The following KAZN variants were observed in gnomAD, a reference collection of about 807,000 sequenced individuals.
KAZN encodes kazrin.
Under a neutral mutation model 87.4 loss-of-function variants are expected in KAZN, and 40 were observed. The ratio of observed to expected loss-of-function variants is 0.46; its 90% CI spans 0.36 to 0.60. The LOEUF (loss-of-function observed/expected upper bound fraction) is 0.60. Among genes scored for constraint, KAZN ranks in the 20% least tolerant of loss-of-function variants. The probability of loss-of-function intolerance (pLI) is 0.00; values close to 1 mark genes in which losing one functional copy is unlikely to be tolerated. For synonymous variants in KAZN, 466 were observed against 458.3 expected (o/e 1.02, Z -0.22); for missense variants, 898 against 1,073.9 (o/e 0.84, Z 2.29).
intron 1 of KAZN, among the ~76,000 whole-genome samples, chr1:14,657,543 T>G (rs750972917): frequency 1.5e-4 from 23 of 152,190 alleles, no homozygotes; most frequent in Non-Finnish European, 2.8e-4. Context: ...CTACCCCACT[T>G]GGGCTGTGTG....
At chr1:15,045,199 C>T (rs1673349720) in intron 4 of KAZN, among the ~76,000 whole-genome samples, 1 of 152,142 alleles carries the variant, frequency 6.6e-6, no homozygotes, top group Non-Finnish European at 1.5e-5. Context: ...TGGGCAGATC[C>T]AGGGAGCTTG....
chr1:13,961,555 C>G (rs1261547439), intron 1 of KAZN, among the ~76,000 whole-genome samples: 1 of 152,178 alleles, frequency 6.6e-6, no homozygotes, highest in African/African-American at 2.4e-5. Flanking sequence ...TTCTCTCTGT[C>G]TCTTTCTCCA....
At chr1:13,903,737 G>A (rs1463080660) in intron 1 of KAZN, among the ~76,000 whole-genome samples, 1 of 152,220 alleles carries the variant, frequency 6.6e-6, no homozygotes, top group Non-Finnish European at 1.5e-5. Context: ...CCAGGCTAGG[G>A]AATTAGAGGA....
At chr1:14,284,789 C>G (rs531794323) in intron 2 of KAZN, among the ~76,000 whole-genome samples, 3 of 152,252 alleles carry the variant, frequency 2.0e-5, no homozygotes, top group South Asian at 2.1e-4. Context: ...GAAGTAAGTA[C>G]GTCAGCAATT....
At chr1:14,713,775 C>CAAA (rs58947119) in intron 1 of KAZN, among the ~76,000 whole-genome samples, 238 of 94,286 alleles carry the variant, frequency 2.5e-3, no homozygotes, top group Non-Finnish European at 3.0e-3. Context: ...CTCATCTCTA[C>CAAA]AAAAAAAAAA....
chr1:14,312,876 C>G (rs1171589819), intron 2 of KAZN, among the ~76,000 whole-genome samples: 1 of 152,030 alleles, frequency 6.6e-6, no homozygotes, highest in Non-Finnish European at 1.5e-5. Flanking sequence ...TATATCCTTC[C>G]CCAGGTGAGC....
chr1:14,271,015 G>A (rs1003357791), intron 2 of KAZN, among the ~76,000 whole-genome samples: 1 of 152,124 alleles, frequency 6.6e-6, no homozygotes, highest in Non-Finnish European at 1.5e-5. Flanking sequence ...ACCACCAGAT[G>A]GGAAGCTTCA....
At chr1:14,221,221 T>C (rs532560036) in intron 2 of KAZN, among the ~76,000 whole-genome samples, 1 of 152,330 alleles carries the variant, frequency 6.6e-6, no homozygotes, top group Non-Finnish European at 1.5e-5. Flanking sequence ...TTCAATATGT[T>C]TTAGACTCAG....
rs866060202 is a variant in KAZN, at chr1:14,468,035, G to A, written c.250-130948G>A. Among the ~76,000 whole-genome samples, 6 of 152,242 alleles carry A rather than the reference G, an allele frequency of 3.9e-5. 1 individual carries two copies. In the Middle Eastern group the frequency reaches 0.01, roughly 259 times the overall value. ...ACCAATATGGTCTGAGAGGAAATGA[G>A]GTGTGTTCCTACAATGAAGGCCAAG... is the stretch of plus-strand genomic sequence containing the variant. On this transcript the variant is annotated intron_variant, in intron 2 of 16. Coordinates refer to the KAZN transcript ENST00000636203.
intron 1 of KAZN, among the ~76,000 whole-genome samples, chr1:14,664,278 C>A (rs964568672): frequency 5.3e-5 from 8 of 152,132 alleles, no homozygotes; most frequent in African/African-American, 1.9e-4. Context: ...ACTAAAACTA[C>A]AAAAATTAGC....
At chr1:14,194,750 C>T (rs866812860) in intron 2 of KAZN, among the ~76,000 whole-genome samples, 4 of 152,170 alleles carry the variant, frequency 2.6e-5, no homozygotes, top group South Asian at 2.1e-4. Context: ...CTTGAGGGAA[C>T]GTAGCCAGCC....
chr1:13,964,978 G>A (rs1641891874), intron 1 of KAZN, among the ~76,000 whole-genome samples: 1 of 151,436 alleles, frequency 6.6e-6, no homozygotes, highest in South Asian at 2.1e-4. Context: ...GGTGCCAGGT[G>A]GAGGGCATGG....
intron 1 of KAZN, among the ~76,000 whole-genome samples, chr1:13,901,054 AC>A (rs1297145534): frequency 4.8e-5 from 7 of 144,870 alleles, no homozygotes; most frequent in South Asian, 2.2e-4. Context: ...AAAAAAAAAA[AC>A]AAAAAACAAA....
At chr1:14,314,557 T>C (rs371618154) in intron 2 of KAZN, among the ~76,000 whole-genome samples, 1 of 152,260 alleles carries the variant, frequency 6.6e-6, no homozygotes, top group East Asian at 1.9e-4. Context: ...AAAGCTCCAT[T>C]CGTGAGGCTT....
upstream of KAZN, among the ~76,000 whole-genome samples, chr1:14,594,086 C>G (rs2473630): frequency 6.2e-3 from 938 of 152,268 alleles, 10 homozygotes; most frequent in African/African-American, 0.022. Flanking sequence ...GACCAAATAG[C>G]GTCATTCAAT....
At chr1:14,801,677 T>C (rs927578248) in intron 1 of KAZN, among the ~76,000 whole-genome samples, 5 of 140,508 alleles carry the variant, frequency 3.6e-5, no homozygotes, top group African/African-American at 1.4e-4. Flanking sequence ...TTTTTTTTGT[T>C]TTTTTTGTTT....
chr1:14,227,625 C>T (rs1375560090), intron 2 of KAZN, among the ~76,000 whole-genome samples: 5 of 152,122 alleles, frequency 3.3e-5, no homozygotes, highest in Non-Finnish European at 7.4e-5. Context: ...CTGACATACC[C>T]TCAGTCAAAG....
At chr1:14,575,843 C>T (rs1212008374) in intron 2 of KAZN, among the ~76,000 whole-genome samples, 1 of 152,182 alleles carries the variant, frequency 6.6e-6, no homozygotes, top group Non-Finnish European at 1.5e-5. Flanking sequence ...AGCCTGAAAG[C>T]TTCTGGGATG....
chr1:14,145,299 G>T (rs1570861286), intron 1 of KAZN, among the ~76,000 whole-genome samples: 1 of 152,084 alleles, frequency 6.6e-6, no homozygotes, highest in Middle Eastern at 3.4e-3. Flanking sequence ...TTAAAAATTA[G>T]CCGGGCATGG....
Sources: allele counts gnomAD v4.1 joint callset (sites outside exome capture counted in the v4.1 genomes callset), GRCh38; gene constraint gnomAD v4.1.1; transcripts MANE v1.5; gene names NCBI Gene and HGNC (gene_info 2026-07-23, HGNC 2026-07-21).